Variants in PALM2AKAP2 observed in about 807,000 individuals in gnomAD.
PALM2AKAP2 encodes PALM2-AKAP2 fusion protein.
Under a neutral mutation model 71.5 loss-of-function variants are expected in PALM2AKAP2, and 37 were observed. The ratio of observed to expected loss-of-function variants is 0.52; its 90% CI spans 0.40 to 0.68. The LOEUF (loss-of-function observed/expected upper bound fraction) is 0.68, where lower values mean the gene tolerates loss of function less well. PALM2AKAP2 is among the 30% of genes least tolerant of loss of function. The pLI is 0.00. For synonymous variants in PALM2AKAP2, 468 were observed against 478.8 expected (o/e 0.98, Z 0.29); for missense variants, 1,224 against 1,191.8 (o/e 1.03, Z -0.40).
intron 3 of PALM2AKAP2, among the ~76,000 whole-genome samples, chr9:109,923,505 T>C (rs2131956930): frequency 6.6e-6 from 1 of 152,356 alleles, no homozygotes. Flanking sequence ...GTGGTGGCTG[T>C]GAACCAGTGG....
chr9:109,771,887 C>A (rs1386323544), intron 1 of PALM2AKAP2: 1 of 152,278 alleles, frequency 6.6e-6, no homozygotes, highest in Non-Finnish European at 1.5e-5. Flanking sequence ...TGGAATGCAA[C>A]AACCTCCCTC....
chr9:109,959,915 C>T (rs991701340), intron 6 of PALM2AKAP2, among the ~76,000 whole-genome samples: 1 of 152,134 alleles, frequency 6.6e-6, no homozygotes, highest in Admixed American at 6.5e-5. Flanking sequence ...CATCCATCCT[C>T]ATCACTAAGG....
chr9:109,881,885 T>C (rs1587982445), intron 3 of PALM2AKAP2, among the ~76,000 whole-genome samples: 1 of 88,612 alleles, frequency 1.1e-5, no homozygotes, highest in Non-Finnish European at 2.1e-5. Flanking sequence ...TCTTTTTTTT[T>C]TTTTTTTTTT....
At chr9:110,074,936 G>A (rs1319278756) in intron 1 of PALM2AKAP2, among the ~76,000 whole-genome samples, 1 of 152,102 alleles carries the variant, frequency 6.6e-6, no homozygotes, top group African/African-American at 2.4e-5. Context: ...CCAGGAGGCA[G>A]ATGTTGCAGT....
chr9:109,897,073 A>G (rs1830219405), intron 3 of PALM2AKAP2, among the ~76,000 whole-genome samples: 1 of 152,154 alleles, frequency 6.6e-6, no homozygotes, highest in African/African-American at 2.4e-5. Context: ...TCACCACTCA[A>G]CCTTTTAGCA....
intron 1 of PALM2AKAP2, among the ~76,000 whole-genome samples, chr9:109,846,831 A>T (rs1828870648): frequency 6.6e-6 from 1 of 152,190 alleles, no homozygotes; most frequent in Non-Finnish European, 1.5e-5. Flanking sequence ...AGCAGCTCCA[A>T]TCCCAGCCTA....
intron 5 of PALM2AKAP2, among the ~76,000 whole-genome samples, chr9:109,926,470 CT>C (rs2131970394): frequency 6.6e-6 from 1 of 152,204 alleles, no homozygotes; most frequent in South Asian, 2.1e-4. Context: ...AGTCAGGGCA[CT>C]TGTTCTGTGC....
rs996149476 is a variant in PALM2AKAP2 at position 109,742,321 on chromosome 9, C to T, written c.6-38167C>T. On this transcript the variant is annotated intron_variant, in intron 1 of 6. Transcript: ENST00000374531. ...CACACACTCTCACAGCCACTTGAGTCGACTGAAGAGATCAGAGAAGAAAAG... is the reference window on the plus strand; with the variant it reads ...CACACACTCTCACAGCCACTTGAGTTGACTGAAGAGATCAGAGAAGAAAAG... 4.5e-4 allele frequency among the ~76,000 whole-genome samples: 68 copies of T among 149,644 alleles called. 1 individual carries two copies. Among genetic ancestry groups the T allele is most frequent in the Non-Finnish European group, 1.2e-4 (8 of 67,706 alleles).
chr9:109,691,881 CATAT>C (rs1184403919), intron 1 of PALM2AKAP2, among the ~76,000 whole-genome samples: 12 of 46,514 alleles, frequency 2.6e-4, no homozygotes, highest in Admixed American at 7.8e-4. Context: ...CACACACACA[CATAT>C]ATATATATAT....
At chr9:110,004,056 A>G (rs1238289521) in intron 6 of PALM2AKAP2, among the ~76,000 whole-genome samples, 2 of 152,158 alleles carry the variant, frequency 1.3e-5, no homozygotes, top group African/African-American at 2.4e-5. Context: ...TTATGTATGA[A>G]TTTGATCCTG....
At chr9:109,714,161 T>C (rs1410495332) in intron 1 of PALM2AKAP2, among the ~76,000 whole-genome samples, 2 of 152,256 alleles carry the variant, frequency 1.3e-5, no homozygotes, top group African/African-American at 4.8e-5. Context: ...TAGTCACCTT[T>C]CTCTACAGAA....
intron 1 of PALM2AKAP2, among the ~76,000 whole-genome samples, chr9:110,077,568 T>A (rs1370131271): frequency 6.6e-6 from 1 of 152,094 alleles, no homozygotes; most frequent in Non-Finnish European, 1.5e-5. Context: ...GGGCTCTCTC[T>A]TCAGGATATC....
At chr9:109,665,250 TGGA>T (rs111939049) in intron 1 of PALM2AKAP2, among the ~76,000 whole-genome samples, 1,709 of 152,326 alleles carry the variant, frequency 0.011, 35 homozygotes, top group African/African-American at 0.038. Flanking sequence ...CGCGCTCCTT[TGGA>T]GGAGAAGAGG....
At chr9:109,780,387 G>C, upstream of PALM2AKAP2, 11 of 1,605,284 alleles carry the variant, frequency 6.9e-6, no homozygotes, top group Non-Finnish European at 9.4e-6. Flanking sequence ...GCGTTCTCCC[G>C]GGTTCTAGCA....
Position 109,736,747 on chromosome 9 carries a change from C to A in PALM2AKAP2, c.6-43741C>A, listed in dbSNP as rs758794973. Among the ~76,000 whole-genome samples, 52 of 152,234 alleles carry A rather than the reference C, an allele frequency of 3.4e-4. No individual in the cohort carries two copies. In the South Asian group the frequency reaches 3.7e-3, roughly 11 times the overall value. ...AATAACAGGTGATTGTCAACCCTCACCCCAACCTTCCACTCTCCCGCCATC... is the reference window on the plus strand; with the variant it reads ...AATAACAGGTGATTGTCAACCCTCAACCCAACCTTCCACTCTCCCGCCATC... On this transcript the variant is annotated intron_variant, in intron 1 of 6. Transcript: ENST00000374531.
At chr9:110,153,365 G>A (rs1373652074) in intron 2 of PALM2AKAP2, among the ~76,000 whole-genome samples, 1 of 152,190 alleles carries the variant, frequency 6.6e-6, no homozygotes, top group Non-Finnish European at 1.5e-5. Context: ...CAGGTGTCAC[G>A]ACATCCACCC....
intron 1 of PALM2AKAP2, among the ~76,000 whole-genome samples, chr9:109,682,919 T>TA (rs1238982414): frequency 6.6e-6 from 1 of 152,094 alleles, no homozygotes; most frequent in Non-Finnish European, 1.5e-5. Flanking sequence ...TTCGCAGAGG[T>TA]AATTATTGTA....
intron 6 of PALM2AKAP2, among the ~76,000 whole-genome samples, chr9:109,951,113 G>A (rs1831629755): frequency 6.6e-6 from 1 of 152,190 alleles, no homozygotes; most frequent in South Asian, 2.1e-4. Flanking sequence ...AAATCATACA[G>A]GGGTTCCAGA....
chr9:110,166,735 T>C (rs1217223356), intron 3 of PALM2AKAP2, among the ~76,000 whole-genome samples: 4 of 152,132 alleles, frequency 2.6e-5, no homozygotes, highest in African/African-American at 7.2e-5. Context: ...ATGTTGAAGC[T>C]CTGGGTGGTC....
Sources: gnomAD v4.1 joint callset for allele counts (sites outside exome capture counted in the v4.1 genomes callset) on GRCh38, gnomAD v4.1.1 for gene constraint, MANE v1.5 for transcripts, NCBI Gene and HGNC (gene_info 2026-07-23, HGNC 2026-07-21) for gene names.